Variants in PHACTR2 observed in about 807,000 individuals in gnomAD.
PHACTR2 encodes the protein chromosome 6 open reading frame 56.
In PHACTR2, 30 loss-of-function variants were observed where a neutral mutation model predicts 76.0. That is an observed-to-expected ratio of 0.39 (90% CI 0.30 to 0.54). The LOEUF is 0.54. Among genes scored for constraint, PHACTR2 ranks in the 20% least tolerant of loss-of-function variants. The probability of loss-of-function intolerance (pLI) is 0.61; values close to 1 mark genes in which losing one functional copy is unlikely to be tolerated. For synonymous variants in PHACTR2, 292 were observed against 292.5 expected, an observed-to-expected ratio of 1.00 and a Z score of 0.02; for missense variants, 696 against 781.1, an observed-to-expected ratio of 0.89 and a Z score of 1.30.
chr6:143,692,411 C>G (rs992175150), intron 1 of PHACTR2, among the ~76,000 whole-genome samples: 5 of 152,150 alleles, frequency 3.3e-5, no homozygotes, highest in Non-Finnish European at 7.4e-5. Flanking sequence ...TTCCTGTTGG[C>G]CTGACTGCGC....
chr6:143,731,280 G>GTTGTTTTGTT lies in PHACTR2; in HGVS notation c.215-17692_215-17683dup, dbSNP rs55767419. ...GCATCCTTAGGATAAGTCCCACTGT[G>GTTGTTTTGTT]TTGTTTTGTTTTGTTTTGTTTTTTG... On this transcript the variant is annotated intron_variant, in intron 2 of 12. Transcript: ENST00000440869. This position sits in a 1 kb window ranked among gnomAD's most constrained non-coding sequence, Gnocchi z 4.9. Among the ~76,000 whole-genome samples the GTTGTTTTGTT allele has an allele frequency of 2.6e-5, 4 of 151,270 alleles. No homozygotes were observed. Among genetic ancestry groups the GTTGTTTTGTT allele is most frequent in the Admixed American group, 1.3e-4 (2 of 15,176 alleles).
Position 143,680,726 on chromosome 6 carries a change from C to T in PHACTR2, c.46+2517C>T, listed in dbSNP as rs938951850. 1.3e-5 allele frequency among the ~76,000 whole-genome samples: 2 copies of T among 152,158 alleles called. No homozygotes were observed. The highest frequency in any genetic ancestry group is 2.9e-5 in the Non-Finnish European group (2 of 67,992). ...AGTTCATTGTTTTTCAGTGTGTTCA[C>T]AGTGTTGTGTGACCCTCAATCTCTG... On this transcript the variant is annotated intron_variant, in intron 1 of 12. Transcript: ENST00000440869. This position sits in a 1 kb window ranked among gnomAD's most constrained non-coding sequence, Gnocchi z 4.5.
intron 12 of PHACTR2, chr6:143,810,725 G>T (rs1215935622): frequency 1.1e-5 from 3 of 268,130 alleles, no homozygotes; most frequent in African/African-American, 4.6e-5. Context: ...TCAGCTACTT[G>T]GGTGGCTGAG....
At chr6:143,545,682 C>T (rs566707766) in intron 1 of PHACTR2, among the ~76,000 whole-genome samples, 1 of 152,288 alleles carries the variant, frequency 6.6e-6, no homozygotes, top group South Asian at 2.1e-4. Context: ...AATGCATACT[C>T]TTTTCTTACC....
In PHACTR2 at chr6:143,570,296, T is replaced by A. The variant is rs1473229203; in HGVS notation, c.217+33089T>A. On this transcript the variant is annotated intron_variant, in intron 1 of 11. Transcript: ENST00000367584. The surrounding 1 kb of genome is among the most constrained non-coding windows in gnomAD (Gnocchi z 4.6). ...GGTCTGAGTCACAGGTGAAGCCCCA[T>A]TTGTTTTTCCATTCAGCCACCCGCT... Among the ~76,000 whole-genome samples the A allele has an allele frequency of 1.3e-5, 2 of 152,154 alleles. No individual in the cohort carries two copies. Among genetic ancestry groups the A allele is most frequent in the African/African-American group, 4.8e-5 (2 of 41,416 alleles).
chr6:143,721,857 A>C (rs1778451510), intron 2 of PHACTR2, among the ~76,000 whole-genome samples: 1 of 152,202 alleles, frequency 6.6e-6, no homozygotes, highest in African/African-American at 2.4e-5. Context: ...GTCATAAACA[A>C]GCCTGACCAG....
chr6:143,786,045 C>T (rs1019547679), intron 10 of PHACTR2, among the ~76,000 whole-genome samples: 4 of 152,230 alleles, frequency 2.6e-5, no homozygotes, highest in African/African-American at 9.6e-5. Flanking sequence ...CTGCAGCCAG[C>T]TTGAATTTCT....
rs77031013 is a variant in PHACTR2 at position 143,598,606 on chromosome 6, A to G, written c.217+61399A>G. ...TGTGGGCCAGGGAGGGATCGCAGTC[A>G]TCTGATGGCAAAGCACTTCTCTAAG... On this transcript the variant is annotated intron_variant, in intron 1 of 11. Coordinates refer to the PHACTR2 transcript ENST00000367584. The surrounding 1 kb of genome is among the most constrained non-coding windows in gnomAD (Gnocchi z 4.1). Among the ~76,000 whole-genome samples the G allele has an allele frequency of 0.084, 12,864 of 152,280 alleles. 614 individuals carry two copies. Among genetic ancestry groups the G allele is most frequent in the Non-Finnish European group, 0.1 (7,042 of 67,998 alleles).
rs544192340 is a variant in PHACTR2, at chr6:143,682,646, G to A, written c.46+4437G>A. 4.6e-5 allele frequency among the ~76,000 whole-genome samples: 7 copies of A among 152,234 alleles called. No homozygotes were observed. In the East Asian group the frequency reaches 1.4e-3, roughly 29 times the overall value. On this transcript the variant is annotated intron_variant, in intron 1 of 12. Coordinates refer to ENST00000440869, the MANE Select transcript of PHACTR2 (RefSeq NM_001100164.2). ...CATTTTAATTCCTCCTTTTAGAGTT[G>A]AATGCCTTTTATTTTATTTTTTTCT...
intron 1 of PHACTR2, among the ~76,000 whole-genome samples, chr6:143,691,162 A>G (rs1229946410): frequency 1.3e-5 from 2 of 152,208 alleles, no homozygotes; most frequent in African/African-American, 4.8e-5. Context: ...AACAAATTAT[A>G]GGTTAGTGGT....
rs1301569052 is a variant in PHACTR2, at chr6:143,751,859, A to G, written c.296-1895A>G. On this transcript the variant is annotated intron_variant, in intron 3 of 12. Transcript: ENST00000440869. The surrounding 1 kb of genome is among the most constrained non-coding windows in gnomAD (Gnocchi z 5.7). ...GGATTTAACTTATTTTAATTCTAAA[A>G]CAACTTCCTTAACACTCAATACTAG... 2.6e-5 allele frequency among the ~76,000 whole-genome samples: 4 copies of G among 151,522 alleles called. No individual in the cohort carries two copies. The highest frequency in any genetic ancestry group is 4.4e-5 in the Non-Finnish European group (3 of 67,920).
chr6:143,635,401 T>C (rs1272085928), intron 1 of PHACTR2, among the ~76,000 whole-genome samples: 1 of 152,058 alleles, frequency 6.6e-6, no homozygotes, highest in African/African-American at 2.4e-5. Flanking sequence ...AAATCTTCAG[T>C]TACTTAAATA....
chr6:143,609,040 G>A (rs1345555337), intron 1 of PHACTR2, among the ~76,000 whole-genome samples: 3 of 152,054 alleles, frequency 2.0e-5, no homozygotes. Context: ...AGTGTTGTCG[G>A]CACTCAAGCA....
At chr6:143,771,794 G>A (rs187738107) in intron 6 of PHACTR2, among the ~76,000 whole-genome samples, 13 of 152,264 alleles carry the variant, frequency 8.5e-5, no homozygotes, top group Admixed American at 8.5e-4. Context: ...GTGCTGTGAT[G>A]CAAAACAATG....
rs1230982414 is a variant in PHACTR2 at position 143,581,037 on chromosome 6, T to G, written c.217+43830T>G. ...CATCAGGAGCTCAAAAACAGATATA[T>G]TCTTTAAATGTCTAGCCAACATTTT... On this transcript the variant is annotated intron_variant, in intron 1 of 11. Coordinates refer to the PHACTR2 transcript ENST00000367584. The surrounding 1 kb of genome is among the most constrained non-coding windows in gnomAD (Gnocchi z 4.5). 6.6e-6 allele frequency among the ~76,000 whole-genome samples: 1 copy of G among 152,202 alleles called. No homozygotes were observed. The highest frequency in any genetic ancestry group is 1.5e-5 in the Non-Finnish European group (1 of 68,030).
Position 143,663,647 on chromosome 6 carries a change from AT to A in PHACTR2, c.14-48368del, listed in dbSNP as rs1776981516. Among the ~76,000 whole-genome samples, 1 of 152,144 alleles carries A rather than the reference AT, an allele frequency of 6.6e-6. No individual in the cohort carries two copies. On this transcript the variant is annotated intron_variant, in intron 1 of 11. Transcript: ENST00000305766. The surrounding 1 kb of genome is among the most constrained non-coding windows in gnomAD (Gnocchi z 4.1). ...TGCTTTCATTGTTGTTTAGTTCTAA[AT>A]ATTTTATGCTACAATTGGATTTTCT...
At chr6:143,577,626 C>A (rs994695107) in intron 1 of PHACTR2, among the ~76,000 whole-genome samples, 1 of 152,076 alleles carries the variant, frequency 6.6e-6, no homozygotes, top group Non-Finnish European at 1.5e-5. Context: ...ATATCGGAAC[C>A]CTATTGTGCA....
In PHACTR2 at chr6:143,572,762, AG is replaced by A. The variant is rs555357532; in HGVS notation, c.217+35557del. ...GAGACACGGTTTCACCATGTTGGCC[AG>A]GCTGGTCTCAAACTCCTGACCTCAA... On this transcript the variant is annotated intron_variant, in intron 1 of 11. Transcript: ENST00000367584. Among the ~76,000 whole-genome samples, 16 of 152,318 alleles carry A rather than the reference AG, an allele frequency of 1.1e-4. No homozygotes were observed. In the South Asian group the frequency reaches 2.7e-3, roughly 26 times the overall value.
Position 143,777,284 on chromosome 6 carries a change from G to T in PHACTR2, c.1590-44G>T. ...GTTTTATTCTGAGTCTCCTACTAGG[G>T]TACCTTGTTTTTAACCTGTAATATA... On this transcript the variant is annotated intron_variant, in intron 8 of 12. Coordinates refer to ENST00000440869, the MANE Select transcript of PHACTR2 (RefSeq NM_001100164.2). This position sits in a 1 kb window ranked among gnomAD's most constrained non-coding sequence, Gnocchi z 4.6. 9.6e-7 allele frequency: 1 copy of T among 1,038,672 alleles called. No individual in the cohort carries two copies. The highest frequency in any genetic ancestry group is 1.5e-6 in the Non-Finnish European group (1 of 676,506). 64.3% of individuals were successfully genotyped at this position (1,038,672 alleles called of 1,614,324 possible).
Sources: allele counts gnomAD v4.1 joint callset (sites outside exome capture counted in the v4.1 genomes callset), GRCh38; gene constraint gnomAD v4.1.1; non-coding constraint Gnocchi (gnomAD v3.1); transcripts MANE v1.5; gene names NCBI Gene and HGNC (gene_info 2026-07-23, HGNC 2026-07-21).